The following TCP11L1 variants were observed in gnomAD, a reference collection of about 807,000 sequenced individuals.
The protein encoded by TCP11L1 is T-complex protein 11-like protein 1.
In TCP11L1, 28 loss-of-function variants were observed where a neutral mutation model predicts 48.9. That is an observed-to-expected ratio of 0.57 (90% CI 0.42 to 0.78). The LOEUF (loss-of-function observed/expected upper bound fraction) is 0.78. Ranked by LOEUF, TCP11L1 falls within the 30% of genes least tolerant of loss-of-function variation. TCP11L1 has a pLI of 0.00. For missense variants in TCP11L1, 505 were observed against 613.4 expected (o/e 0.82, Z 1.87); for synonymous variants, 204 against 231.9 (o/e 0.88, Z 1.09).
chr11:33,047,730 G>C (rs567048392), intron 2 of TCP11L1, among the ~76,000 whole-genome samples: 1 of 152,316 alleles, frequency 6.6e-6, no homozygotes, highest in African/African-American at 2.4e-5. Context: ...CAGTGAACCA[G>C]GCACATATTG....
intron 6 of TCP11L1, among the ~76,000 whole-genome samples, chr11:33,059,621 T>C (rs997075412): frequency 6.6e-6 from 1 of 152,234 alleles, no homozygotes; most frequent in Non-Finnish European, 1.5e-5. Context: ...TCTAGGGTGC[T>C]TTTTATGGTC....
chr11:33,041,544 A>G (rs1235245514), intron 1 of TCP11L1, among the ~76,000 whole-genome samples: 2 of 152,220 alleles, frequency 1.3e-5, no homozygotes, highest in Admixed American at 1.3e-4. Flanking sequence ...AGAGGTCAGG[A>G]GTTCGAGACA....
chr11:33,062,048 T>C (rs910182442), intron 7 of TCP11L1, among the ~76,000 whole-genome samples: 1 of 151,972 alleles, frequency 6.6e-6, no homozygotes, highest in Non-Finnish European at 1.5e-5. Context: ...ACCACTGCAC[T>C]CCAGCCTGGG....
intron 2 of TCP11L1, among the ~76,000 whole-genome samples, chr11:33,048,369 G>C (rs1854060327): frequency 6.6e-6 from 1 of 151,970 alleles, no homozygotes; most frequent in South Asian, 2.1e-4. Flanking sequence ...AACAAATTGA[G>C]GTGAAGACGT....
Position 33,054,718 on chromosome 11 carries a change from G to A in TCP11L1, c.289G>A (p.Glu97Lys). 1 of 1,612,406 alleles carries A rather than the reference G, an allele frequency of 6.2e-7. No individual in the cohort carries two copies. Among genetic ancestry groups the A allele is most frequent in the Non-Finnish European group, 8.5e-7 (1 of 1,179,456 alleles). The part of the protein sequence containing the change: ...DFQIKPVELP[E>K]NSLKKRVKEI... ...TCAGATTAAACCAGTTGAATTACCA[G>A]AAAACAGGTAAGGTGGTTGCTAAAT... is the stretch of plus-strand genomic sequence containing the variant. The change falls in exon 3 of 10, where the codon GAA becomes AAA. Residue 97 changes from glutamate to lysine, a missense_variant. Glu to Lys is a moderately conservative substitution (Grantham distance 56, BLOSUM62 1). Transcript: ENST00000334274.
In TCP11L1 at chr11:33,043,811, C is replaced by G; in HGVS notation, c.38C>G (p.Ala13Gly). ...CTTGACAAGTCCAATGTAAATGAAGCAGGAAAATCAAAATCCAATGATTCT... is the reference window on the plus strand; with the variant it reads ...CTTGACAAGTCCAATGTAAATGAAGGAGGAAAATCAAAATCCAATGATTCT... ...ENLDKSNVNE[A>G]GKSKSNDSEE... The change falls in exon 2 of 10, where the codon GCA (alanine) becomes GGA (glycine). Residue 13 changes from alanine (A) to glycine (G), a missense_variant. Around this residue, in one of 3 missense-constraint regions of TCP11L1, gnomAD observed 168 missense variants for 183.5 expected, o/e 0.92. Coordinates refer to ENST00000334274, the MANE Select transcript of TCP11L1 (RefSeq NM_018393.4). 1 of 1,613,066 alleles carries G rather than the reference C, an allele frequency of 6.2e-7. No individual in the cohort carries two copies. Among genetic ancestry groups the G allele is most frequent in the Non-Finnish European group, 8.5e-7 (1 of 1,179,618 alleles).
rs530199461 is a variant in TCP11L1 at position 33,049,741 on chromosome 11, A to G, written c.164-4852A>G. ...CCTATCTTAGTAAATAGAACATACAATTGGGTTTTACACCAAGACATTCTA... is the reference window on the plus strand; with the variant it reads ...CCTATCTTAGTAAATAGAACATACAGTTGGGTTTTACACCAAGACATTCTA... On this transcript the variant is annotated intron_variant, in intron 2 of 9. Coordinates refer to ENST00000334274, the MANE Select transcript of TCP11L1 (RefSeq NM_018393.4). 3.3e-5 allele frequency among the ~76,000 whole-genome samples: 5 copies of G among 152,304 alleles called. No individual in the cohort carries two copies. In the South Asian group the frequency reaches 1.0e-3, roughly 32 times the overall value.
At chr11:33,069,665 G>A (rs1009634636) in intron 9 of TCP11L1, among the ~76,000 whole-genome samples, 3 of 152,054 alleles carry the variant, frequency 2.0e-5, no homozygotes, top group Admixed American at 2.0e-4. Context: ...TGCGATCTCG[G>A]CTCACTGCAC....
rs375212322 is a variant in TCP11L1 at position 33,068,834 on chromosome 11, C to T, written c.1302C>T (p.Pro434=). Residue 434 remains proline (P), a synonymous_variant, in exon 9 of 10, where the codon CCC becomes CCT. Transcript: ENST00000334274. ...LKGQIQAVAS[P]DDPIRRIMES... is the part of the protein sequence containing the mutation. ...GCCAGATCCAGGCCGTGGCCAGTCC[C>T]GATGACCCCATTCGCAGGATCATGG... 15 of 1,613,580 alleles carry T rather than the reference C, an allele frequency of 9.3e-6. No homozygotes were observed. The highest frequency in any genetic ancestry group is 5.0e-5 in the Admixed American group (3 of 59,974).
At chr11:33,072,374 A>T (rs74399455) in intron 9 of TCP11L1, 100 bp from the exon 10 acceptor site, 4 of 1,256,578 alleles carry the variant, frequency 3.2e-6, no homozygotes, top group East Asian at 4.6e-5. Context: ...ATCGGGGACA[A>T]CTTCCCCTAA....
At chr11:33,041,755 C>A (rs7124501) in intron 1 of TCP11L1, among the ~76,000 whole-genome samples, 56,445 of 145,104 alleles carry the variant, frequency 0.39, 10,624 homozygotes, top group East Asian at 0.44. Flanking sequence ...GAGTCTGTCC[C>A]CAAAAAAAAA....
chr11:33,044,833 A>C (rs747046223), intron 2 of TCP11L1, among the ~76,000 whole-genome samples: 7 of 152,198 alleles, frequency 4.6e-5, no homozygotes, highest in Non-Finnish European at 1.0e-4. Context: ...TTGCTAGCAC[A>C]GTCTATCATG....
At chr11:33,062,535 A>C (rs1436093158) in intron 7 of TCP11L1, among the ~76,000 whole-genome samples, 1 of 152,106 alleles carries the variant, frequency 6.6e-6, no homozygotes, top group Non-Finnish European at 1.5e-5. Flanking sequence ...CATTTTAACC[A>C]TTTCTAGTTG....
chr11:33,054,679 G>A lies in TCP11L1; in HGVS notation c.250G>A (p.Val84Ile). ...TNMALAHEIV[V>I]NGDFQIKPVE... is the part of the protein sequence containing the mutation. ...CATGGCTCTAGCCCATGAAATTGTA[G>A]TAAATGGAGACTTTCAGATTAAACC... The change falls in exon 3 of 10, where the codon GTA becomes ATA. Residue 84 changes from valine (V) to isoleucine (I), a missense_variant. By Grantham distance (29) the Val-to-Ile change is conservative (BLOSUM62 3). Transcript: ENST00000334274. 2 of 1,613,904 alleles carry A rather than the reference G, an allele frequency of 1.2e-6. No homozygotes were observed. Among genetic ancestry groups the A allele is most frequent in the Non-Finnish European group, 1.7e-6 (2 of 1,179,948 alleles).
In TCP11L1 at chr11:33,050,562, C is replaced by T. The variant is rs993536210; in HGVS notation, c.164-4031C>T. Among the ~76,000 whole-genome samples, 11 of 151,922 alleles carry T rather than the reference C, an allele frequency of 7.2e-5. No homozygotes were observed. In the East Asian group the frequency reaches 2.1e-3, roughly 29 times the overall value. ...CTGAACTGGGTGTGCACCTATAGTCCCAGCTATTTGGGAGGTTGAGGCCAC... is the reference window on the plus strand; with the variant it reads ...CTGAACTGGGTGTGCACCTATAGTCTCAGCTATTTGGGAGGTTGAGGCCAC... On this transcript the variant is annotated intron_variant, in intron 2 of 9. Coordinates refer to ENST00000334274, the MANE Select transcript of TCP11L1 (RefSeq NM_018393.4).
At chr11:33,050,840 GTC>G (rs1854139745) in intron 2 of TCP11L1, among the ~76,000 whole-genome samples, 1 of 150,552 alleles carries the variant, frequency 6.6e-6, no homozygotes, top group Non-Finnish European at 1.5e-5. Flanking sequence ...TTTAGACAAG[GTC>G]TCTATCTGTC....
chr11:33,062,179 G>A (rs1269078513), intron 7 of TCP11L1, among the ~76,000 whole-genome samples: 1 of 152,190 alleles, frequency 6.6e-6, no homozygotes, highest in Non-Finnish European at 1.5e-5. Flanking sequence ...CCCTTTTAAA[G>A]TGTACAACTC....
chr11:33,041,794 C>T (rs7124518), intron 1 of TCP11L1, among the ~76,000 whole-genome samples: 61,728 of 151,530 alleles, frequency 0.41, 12,760 homozygotes, highest in African/African-American at 0.46. Context: ...ATATTTCAAT[C>T]CCAGTAACTT....
intron 8 of TCP11L1, among the ~76,000 whole-genome samples, chr11:33,068,366 T>C (rs1301935207): frequency 3.3e-5 from 5 of 152,218 alleles, no homozygotes; most frequent in Non-Finnish European, 7.3e-5. Flanking sequence ...TCCAGAGGTA[T>C]ATCAAGATAT....
Sources: allele counts gnomAD v4.1 joint callset (sites outside exome capture counted in the v4.1 genomes callset), GRCh38; gene constraint gnomAD v4.1.1; regional missense constraint gnomAD v4.1.1; transcripts MANE v1.5; gene names NCBI Gene and HGNC (gene_info 2026-07-23, HGNC 2026-07-21).